Variants in DOCK1 observed in about 807,000 individuals in gnomAD.
The protein encoded by DOCK1 is dedicator of cytokinesis protein 1.
A neutral mutation model predicts 262.7 loss-of-function variants in DOCK1; 138 were observed. The ratio of observed to expected loss-of-function variants is 0.53; its 90% CI spans 0.46 to 0.61. The LOEUF (loss-of-function observed/expected upper bound fraction) is 0.61, where lower values mean the gene tolerates loss of function less well. Ranked by LOEUF, DOCK1 falls within the 20% of genes least tolerant of loss-of-function variation. DOCK1 has a pLI of 0.00. For synonymous variants in DOCK1, 866 were observed against 867.4 expected (o/e 1.00, Z 0.03); for missense variants, 1,908 against 2,370.7 (o/e 0.80, Z 4.05).
chr10:127,207,072 G>A (rs756896418), intron 27 of DOCK1, among the ~76,000 whole-genome samples: 2 of 152,162 alleles, frequency 1.3e-5, no homozygotes, highest in African/African-American at 4.8e-5. Flanking sequence ...CAGAGAATAG[G>A]ACCGCAATTG....
intron 48 of DOCK1, among the ~76,000 whole-genome samples, chr10:127,435,270 C>T (rs2069604471): frequency 6.6e-6 from 1 of 152,064 alleles, no homozygotes; most frequent in South Asian, 2.1e-4. Context: ...TTTGTGTGTC[C>T]AATCCCATTT....
At chr10:127,207,838 AT>A (rs2057792975) in intron 27 of DOCK1, among the ~76,000 whole-genome samples, 1 of 152,220 alleles carries the variant, frequency 6.6e-6, no homozygotes. Context: ...GGTGGGCCAG[AT>A]TTGGTCCACA....
intron 29 of DOCK1, among the ~76,000 whole-genome samples, chr10:127,290,648 G>C (rs1018164716): frequency 6.6e-6 from 1 of 152,070 alleles, no homozygotes; most frequent in African/African-American, 2.4e-5. Context: ...CTTTTTCACC[G>C]TATGAATGTT....
Position 127,012,083 on chromosome 10 carries a change from C to CA in DOCK1, c.1059-148dup, listed in dbSNP as rs2041497793. 1.6e-6 allele frequency: 1 copy of CA among 611,012 alleles called. No homozygotes were observed. Among genetic ancestry groups the CA allele is most frequent in the Non-Finnish European group, 3.0e-6 (1 of 336,390 alleles). 37.8% of individuals were successfully genotyped at this position (611,012 alleles called of 1,614,324 possible). On this transcript the variant is annotated intron_variant, in intron 11 of 51. Coordinates refer to ENST00000623213, the MANE Select transcript of DOCK1 (RefSeq NM_001290223.2). This position sits in a 1 kb window ranked among gnomAD's most constrained non-coding sequence, Gnocchi z 4.0. ...CAATGCTTTTCCCTGTTTCTCTTGT[C>CA]ACCTCTCCCATCCTTTGTCGTGCGT...
Position 127,125,378 on chromosome 10 carries a change from A to G in DOCK1, c.2624-96A>G, listed in dbSNP as rs1026412762. On this transcript the variant is annotated intron_variant, in intron 25 of 51. Transcript: ENST00000623213. ...TCAGTTCCACGTGTTGCACAACGTG[A>G]ATGCAAACTGCTTGAAAGGGCAGAC... 7.1e-6 allele frequency: 11 copies of G among 1,558,608 alleles called. No homozygotes were observed. The East Asian group carries it at 2.0e-4, about 29-fold the overall frequency.
intron 1 of DOCK1, among the ~76,000 whole-genome samples, chr10:126,943,444 T>A (rs1378958602): frequency 6.6e-6 from 1 of 152,170 alleles, no homozygotes; most frequent in Non-Finnish European, 1.5e-5. Context: ...TTCTGTTAAA[T>A]GGGAGTAGTA....
intron 38 of DOCK1, among the ~76,000 whole-genome samples, chr10:127,396,772 A>T (rs904171023): frequency 1.6e-4 from 24 of 150,312 alleles, no homozygotes; most frequent in African/African-American, 5.4e-4. Context: ...AAAAAAAAAA[A>T]ATCTTCATTT....
rs754796831 is a variant in DOCK1, at chr10:127,339,625, T to TTGTGTGTG, written c.3123+558_3123+565dup. Among the ~76,000 whole-genome samples the TTGTGTGTG allele has an allele frequency of 8.6e-5, 12 of 139,520 alleles. 1 individual carries two copies. The highest frequency in any genetic ancestry group is 2.9e-4 in the African/African-American group (11 of 38,408). The allele number at this position is 139,520 out of a possible 152,430, so 91.5% of individuals were successfully genotyped here. A position where few individuals can be genotyped will look rare whatever the true frequency, so the allele number is the denominator to read the frequency against. ...TGAGAGAGAGAGAGAGTGTGTGTGT[T>TTGTGTGTG]TGTGTGTGTGTGTGTGTGTGTGTGC... On this transcript the variant is annotated intron_variant, in intron 30 of 51. Coordinates refer to ENST00000623213, the MANE Select transcript of DOCK1 (RefSeq NM_001290223.2).
intron 38 of DOCK1, 22 bp from the exon 39 acceptor site, chr10:127,403,032 CT>C (rs2134319923): frequency 1.3e-6 from 2 of 1,594,408 alleles, no homozygotes; most frequent in East Asian, 2.3e-5. Context: ...GCTTCTCTTT[CT>C]TTTCTTTATT....
chr10:126,997,644 C>T (rs537300711), intron 7 of DOCK1, among the ~76,000 whole-genome samples: 18 of 151,306 alleles, frequency 1.2e-4, no homozygotes, highest in South Asian at 1.0e-3. Flanking sequence ...TATATATATA[C>T]ACACACACAC....
intron 1 of DOCK1, among the ~76,000 whole-genome samples, chr10:126,965,721 G>T (rs2037623617): frequency 6.6e-6 from 1 of 152,110 alleles, no homozygotes; most frequent in Non-Finnish European, 1.5e-5. Context: ...TTCCCTGAAT[G>T]GGTGTTACAT....
intron 21 of DOCK1, among the ~76,000 whole-genome samples, chr10:127,052,100 T>C (rs2044760912): frequency 6.6e-6 from 1 of 152,224 alleles, no homozygotes; most frequent in African/African-American, 2.4e-5. Context: ...TACTGCCTCA[T>C]AGTGTTGCTG....
chr10:127,129,917 A>G (rs754745540), intron 27 of DOCK1, among the ~76,000 whole-genome samples: 19 of 151,786 alleles, frequency 1.3e-4, no homozygotes, highest in African/African-American at 7.3e-5. Context: ...TTAGGGAAAC[A>G]TGGTTCTGTC....
At chr10:126,937,887 C>A (rs1428155349) in intron 1 of DOCK1, among the ~76,000 whole-genome samples, 1 of 152,090 alleles carries the variant, frequency 6.6e-6, no homozygotes, top group African/African-American at 2.4e-5. Flanking sequence ...TTGTTGTTTT[C>A]TGTGCACTTG....
chr10:127,429,398 C>G (rs975421746), intron 47 of DOCK1, among the ~76,000 whole-genome samples: 2 of 152,036 alleles, frequency 1.3e-5, no homozygotes, highest in Non-Finnish European at 2.9e-5. Flanking sequence ...GGCAATAAAA[C>G]GCAGTCTGGG....
At chr10:127,378,121 CA>C (rs1191156813) in intron 35 of DOCK1, among the ~76,000 whole-genome samples, 1 of 152,164 alleles carries the variant, frequency 6.6e-6, no homozygotes, top group Non-Finnish European at 1.5e-5. Context: ...TGCTTCTGTG[CA>C]GTCATCCACA....
chr10:127,427,044 C>G (rs1041867848), intron 47 of DOCK1, among the ~76,000 whole-genome samples: 1 of 152,138 alleles, frequency 6.6e-6, no homozygotes, highest in African/African-American at 2.4e-5. Context: ...CTTTGCTGGG[C>G]CTACCCTGCC....
intron 23 of DOCK1, among the ~76,000 whole-genome samples, chr10:127,083,303 C>G (rs1316225783): frequency 6.6e-6 from 1 of 152,138 alleles, no homozygotes; most frequent in African/African-American, 2.4e-5. Flanking sequence ...ATGTAAAATA[C>G]CTGGTGCCCT....
At chr10:127,271,053 C>A (rs1178753462) in intron 29 of DOCK1, among the ~76,000 whole-genome samples, 1 of 150,900 alleles carries the variant, frequency 6.6e-6, no homozygotes, top group Non-Finnish European at 1.5e-5. Context: ...ATAAATGTAT[C>A]TGTGTTCTAG....
Sources: allele counts gnomAD v4.1 joint callset (sites outside exome capture counted in the v4.1 genomes callset), GRCh38; gene constraint gnomAD v4.1.1; non-coding constraint Gnocchi (gnomAD v3.1); transcripts MANE v1.5; gene names NCBI Gene and HGNC (gene_info 2026-07-23, HGNC 2026-07-21).